Variants in FILIP1 observed in about 807,000 individuals in gnomAD.
The protein encoded by FILIP1 is filamin A interacting protein 1.
In FILIP1, 61 loss-of-function variants were observed where a neutral mutation model predicts 102.1. The ratio of observed to expected loss-of-function variants is 0.60; its 90% CI spans 0.49 to 0.74. The LOEUF (loss-of-function observed/expected upper bound fraction) is 0.74. Among genes scored for constraint, FILIP1 ranks in the 30% least tolerant of loss-of-function variants. The pLI is 0.00. For synonymous variants in FILIP1, 491 were observed against 526.9 expected (o/e 0.93, Z 0.93); for missense variants, 1,314 against 1,441.2 (o/e 0.91, Z 1.43).
In FILIP1 at chr6:75,338,948, C is replaced by A. The variant is rs572105338; in HGVS notation, c.629+14591G>T. ...TTTTCTCTGGAATTTATACATCTCA[C>A]TGATGCTTCAGTTCATGAAAAAAAA... On this transcript the variant is annotated intron_variant, in intron 4 of 5. Coordinates refer to ENST00000237172, the MANE Select transcript of FILIP1 (RefSeq NM_015687.5). 2.6e-5 allele frequency among the ~76,000 whole-genome samples: 4 copies of A among 152,324 alleles called. No individual in the cohort carries two copies. In the South Asian group the frequency reaches 8.3e-4, roughly 32 times the overall value.
At chr6:75,370,363 C>T (rs1775473794) in intron 2 of FILIP1, among the ~76,000 whole-genome samples, 1 of 152,146 alleles carries the variant, frequency 6.6e-6, no homozygotes, top group African/African-American at 2.4e-5. Context: ...AGAGTGCCTG[C>T]TGCATGGTAG....
chr6:75,454,980 G>A (rs748284300), intron 1 of FILIP1: 4 of 152,090 alleles, frequency 2.6e-5, no homozygotes, highest in Non-Finnish European at 4.4e-5. Context: ...GATAAGATCC[G>A]ATCCTACAGT....
chr6:75,482,355 C>T (rs1779670385), intron 1 of FILIP1, among the ~76,000 whole-genome samples: 1 of 152,190 alleles, frequency 6.6e-6, no homozygotes, highest in Admixed American at 6.5e-5. Flanking sequence ...GAACTGTCAG[C>T]AGAAACATTA....
chr6:75,476,274 A>G (rs1779473795), intron 1 of FILIP1, among the ~76,000 whole-genome samples: 1 of 150,898 alleles, frequency 6.6e-6, no homozygotes, highest in Non-Finnish European at 1.5e-5. Flanking sequence ...ATTGATGATC[A>G]TCATATTCAG....
intron 1 of FILIP1, among the ~76,000 whole-genome samples, chr6:75,451,898 C>G (rs1457938935): frequency 6.6e-6 from 1 of 152,058 alleles, no homozygotes; most frequent in Non-Finnish European, 1.5e-5. Flanking sequence ...GAGATAAGCA[C>G]TCTCATACAC....
chr6:75,341,110 C>T (rs1161902946), intron 4 of FILIP1, among the ~76,000 whole-genome samples: 1 of 151,378 alleles, frequency 6.6e-6, no homozygotes, highest in Non-Finnish European at 1.5e-5. Context: ...ATTAGGATTA[C>T]ATTAAATTTG....
chr6:75,316,880 A>T (rs1048663695), intron 4 of FILIP1, among the ~76,000 whole-genome samples: 1 of 150,040 alleles, frequency 6.7e-6, no homozygotes, highest in Non-Finnish European at 1.5e-5. Flanking sequence ...AAATAATGTC[A>T]TAGAACCATA....
Position 75,312,560 on chromosome 6 carries a change from G to GTAA in FILIP1, c.3269_3271dup (p.Ile1090dup), listed in dbSNP as rs759765130. ...GGCTGTCACGTTTACTGGTCGGACA[G>GTAA]TAATAACTGGACTGACTCCTTCACC... On this transcript the variant is annotated inframe_insertion, in exon 5 of 6. Transcript: ENST00000237172. The GTAA allele has an allele frequency of 6.2e-7, 1 of 1,614,246 alleles. No homozygotes were observed. Among genetic ancestry groups the GTAA allele is most frequent in the Non-Finnish European group, 8.5e-7 (1 of 1,180,048 alleles).
chr6:75,474,032 G>A lies in FILIP1; in HGVS notation c.-7+19382C>T, dbSNP rs191596426. 32 of 152,090 alleles carry A rather than the reference G, an allele frequency of 2.1e-4. No homozygotes were observed. In the East Asian group the frequency reaches 4.0e-3, roughly 19 times the overall value. The allele number at this position is 152,090 out of a possible 1,614,324, so 9.4% of individuals were successfully genotyped here. ...GTGAACTGATCCATTAAATTATTTC[G>A]AAATAGCTTCAGCTCTTTTCCTTAT... On this transcript the variant is annotated intron_variant, in intron 1 of 5. Coordinates refer to ENST00000237172, the MANE Select transcript of FILIP1 (RefSeq NM_015687.5).
intron 1 of FILIP1, among the ~76,000 whole-genome samples, chr6:75,419,727 A>G (rs1777389532): frequency 6.6e-6 from 1 of 152,186 alleles, no homozygotes; most frequent in East Asian, 1.9e-4. Flanking sequence ...TTCAGATGCA[A>G]AAGACCAATT....
chr6:75,465,255 A>G, intron 1 of FILIP1: 2 of 268,238 alleles, frequency 7.5e-6, no homozygotes, highest in Non-Finnish European at 1.4e-5. Flanking sequence ...TGATGAAGAC[A>G]TGACACAAGA....
At chr6:75,319,422 G>T in intron 4 of FILIP1, 1 of 622,564 alleles carries the variant, frequency 1.6e-6, no homozygotes, top group Non-Finnish European at 3.1e-6. Context: ...CTCCCCTTTA[G>T]GAGGGCTATA....
chr6:75,335,324 T>TTTTTA (rs1774206236), intron 4 of FILIP1, among the ~76,000 whole-genome samples: 1 of 152,192 alleles, frequency 6.6e-6, no homozygotes, highest in Non-Finnish European at 1.5e-5. Flanking sequence ...TGTTTTTAAA[T>TTTTTA]GGCAAAAACT....
chr6:75,441,957 C>G (rs569191774), intron 1 of FILIP1, among the ~76,000 whole-genome samples: 1 of 151,214 alleles, frequency 6.6e-6, no homozygotes, highest in Admixed American at 6.6e-5. Flanking sequence ...CCCTCCCGGA[C>G]GGGGTGGCTG....
chr6:75,299,628 T>C (rs1456990332), intron 6 of FILIP1, among the ~76,000 whole-genome samples: 1 of 152,178 alleles, frequency 6.6e-6, no homozygotes, highest in Non-Finnish European at 1.5e-5. Context: ...ATTTCCCCTA[T>C]ATGTTTCTCT....
At chr6:75,398,579 T>G (rs1337391993) in intron 2 of FILIP1, among the ~76,000 whole-genome samples, 2 of 152,044 alleles carry the variant, frequency 1.3e-5, no homozygotes. Flanking sequence ...CTTTCAAGAG[T>G]GTCCCTGAAA....
chr6:75,382,194 T>C (rs1188109403), intron 2 of FILIP1, among the ~76,000 whole-genome samples: 8 of 152,234 alleles, frequency 5.3e-5, no homozygotes, highest in Admixed American at 5.2e-4. Context: ...TTAAAGATGC[T>C]GCACTTCAAT....
intron 1 of FILIP1, among the ~76,000 whole-genome samples, chr6:75,449,787 G>C (rs1308531152): frequency 6.6e-6 from 1 of 152,146 alleles, no homozygotes; most frequent in African/African-American, 2.4e-5. Context: ...AGTATTTAAA[G>C]TATGAGTGTT....
chr6:75,436,243 G>A lies in FILIP1; in HGVS notation c.-6-21265C>T, dbSNP rs527974946. 3.3e-5 allele frequency among the ~76,000 whole-genome samples: 5 copies of A among 152,088 alleles called. No individual in the cohort carries two copies. The East Asian group carries it at 7.8e-4, about 24-fold the overall frequency. On this transcript the variant is annotated intron_variant, in intron 1 of 5. Coordinates refer to ENST00000237172, the MANE Select transcript of FILIP1 (RefSeq NM_015687.5). Reference sequence around the variant, plus strand: ...CAAAAGTTAGCCAGGCTAGCGGCATGTGCCTGTAATCCCAGCTACTTGGGA... The same window carrying A: ...CAAAAGTTAGCCAGGCTAGCGGCATATGCCTGTAATCCCAGCTACTTGGGA...
Sources: allele counts gnomAD v4.1 joint callset (sites outside exome capture counted in the v4.1 genomes callset), GRCh38; gene constraint gnomAD v4.1.1; transcripts MANE v1.5; gene names NCBI Gene and HGNC (gene_info 2026-07-23, HGNC 2026-07-21).